Variants in CHRDL2 observed in about 807,000 individuals in gnomAD.
CHRDL2 encodes chordin like 2.
CHRDL2 carries 41 observed loss-of-function variants against 54.3 expected under a neutral mutation model. The observed-to-expected ratio is 0.76, with a 90% confidence interval of 0.59 to 0.98. CHRDL2 has a LOEUF of 0.98. CHRDL2 is among the 50% of genes least tolerant of loss of function. The pLI is 0.00. For missense variants in CHRDL2, 518 were observed against 562.4 expected (o/e 0.92, Z 0.80); for synonymous variants, 220 against 224.3 (o/e 0.98, Z 0.17).
intron 1 of CHRDL2, among the ~76,000 whole-genome samples, chr11:74,725,936 T>G (rs951594709): frequency 2.0e-5 from 3 of 152,204 alleles, no homozygotes; most frequent in African/African-American, 7.2e-5. Context: ...CTTGCTCCCC[T>G]CTGAGACATA....
intron 1 of CHRDL2, among the ~76,000 whole-genome samples, chr11:74,719,903 C>T (rs2034465097): frequency 6.6e-6 from 1 of 152,150 alleles, no homozygotes; most frequent in South Asian, 2.1e-4. Context: ...GCACTGCAGC[C>T]TTGTGCCCTG....
At chr11:74,706,421 C>A in intron 6 of CHRDL2, 66 bp downstream of exon 6, 1 of 1,506,560 alleles carries the variant, frequency 6.6e-7, no homozygotes, top group South Asian at 1.1e-5. Flanking sequence ...GCCCCAGAGT[C>A]ACGAGATTTA....
At chr11:74,718,367 C>T (rs111268481) in intron 2 of CHRDL2, among the ~76,000 whole-genome samples, 3 of 151,908 alleles carry the variant, frequency 2.0e-5, no homozygotes, top group African/African-American at 4.8e-5. Context: ...GGAAATAGTA[C>T]GTGAAAAGAA....
rs1367493500 is a variant in CHRDL2, at chr11:74,730,901, G to T, written c.-13C>A. 1.2e-6 allele frequency: 2 copies of T among 1,600,902 alleles called. No individual in the cohort carries two copies. The highest frequency in any genetic ancestry group is 1.1e-5 in the South Asian group (1 of 88,540). ...CCTCGGGAACCATCCTTTCCCCAGG[G>T]TCAGGCCGCTGGTCCGGGAGCGGAG... On this transcript the variant is annotated 5_prime_UTR_variant, in exon 1 of 11. Transcript: ENST00000376332.
chr11:74,730,699 C>T (rs2034638709), intron 1 of CHRDL2, 108 bp downstream of exon 1: 1 of 1,050,444 alleles, frequency 9.5e-7, no homozygotes, highest in South Asian at 1.4e-5. Flanking sequence ...GGCACAGGTG[C>T]TGCCTGGACG....
rs538382645 is a variant in CHRDL2 at position 74,705,447 on chromosome 11, C to G, written c.583-793G>C. 2.0e-5 allele frequency among the ~76,000 whole-genome samples: 3 copies of G among 152,298 alleles called. No homozygotes were observed. In the South Asian group the frequency reaches 6.2e-4, roughly 32 times the overall value. ...CTGGTACAGTCCCTGCATCAGTTCT[C>G]CGATGGCCCAGAGCCTGAGCTCACA... On this transcript the variant is annotated intron_variant, in intron 6 of 10. Coordinates refer to ENST00000376332, the MANE Select transcript of CHRDL2 (RefSeq NM_001278473.3).
At position 74,702,942 on chromosome 11, in the gene CHRDL2, A is replaced by T. The variant is rs762096283; in HGVS notation, c.972T>A (p.Ser324Arg). Residue 324 changes from serine to arginine, a missense_variant, in exon 9 of 11, where the codon AGT (serine) becomes AGA (arginine). Transcript: ENST00000376332. ...CPEDKADPGH[S>R]EISSTRCPKA... is the part of the protein sequence containing the mutation. ...TGGGACACCTGGTAGAACTGATCTC[A>T]CTGTGGCCAGGGTCTGCTTTGTCCT... The T allele has an allele frequency of 2.5e-6, 4 of 1,613,138 alleles. No individual in the cohort carries two copies. The highest frequency in any genetic ancestry group is 3.4e-6 in the Non-Finnish European group (4 of 1,179,226).
At chr11:74,725,271 G>A (rs963783952) in intron 1 of CHRDL2, among the ~76,000 whole-genome samples, 16 of 152,304 alleles carry the variant, frequency 1.1e-4, no homozygotes, top group East Asian at 9.6e-4. Flanking sequence ...GATTACAGGC[G>A]GGAGCCACCA....
intron 10 of CHRDL2, 79 bp downstream of exon 10, chr11:74,697,126 T>C (rs556837077): frequency 2.0e-5 from 23 of 1,150,006 alleles, no homozygotes; most frequent in Non-Finnish European, 2.4e-5. Context: ...ACCAGCAGCC[T>C]GGGAACTCCC....
intron 9 of CHRDL2, 120 bp from the exon 10 acceptor site, chr11:74,697,417 CA>C (rs1324993728): frequency 1.4e-6 from 1 of 694,788 alleles, no homozygotes; most frequent in Non-Finnish European, 2.6e-6. Flanking sequence ...CCATTCTGAT[CA>C]GACACAAAAT....
Position 74,703,312 on chromosome 11 carries a change from A to G in CHRDL2, c.939T>C (p.Ile313=). 6.2e-7 allele frequency: 1 copy of G among 1,601,614 alleles called. No individual in the cohort carries two copies. The highest frequency in any genetic ancestry group is 1.1e-5 in the South Asian group (1 of 90,030). Residue 313 remains isoleucine (I), a synonymous_variant, in exon 8 of 11, where the codon ATT becomes ATC. Coordinates refer to ENST00000376332, the MANE Select transcript of CHRDL2 (RefSeq NM_001278473.3). ...CCCAGTGCCCCTGTGTACCTGGGCA[A>G]ATCTTGCAGCACTTCCCAGCCACTT... ...PEKVAGKCCK[I]CPEDKADPGH... is the part of the protein sequence containing the mutation.
At chr11:74,729,633 G>T (rs958929530) in intron 1 of CHRDL2, among the ~76,000 whole-genome samples, 1 of 152,218 alleles carries the variant, frequency 6.6e-6, no homozygotes. Context: ...GCTCCAGAAT[G>T]TCACGTGCAA....
intron 4 of CHRDL2, among the ~76,000 whole-genome samples, chr11:74,710,490 A>G (rs1315927676): frequency 6.6e-6 from 1 of 152,230 alleles, no homozygotes; most frequent in East Asian, 1.9e-4. Context: ...CAGGACTGAT[A>G]ACTGATCATT....
chr11:74,727,179 A>G (rs927031005), intron 1 of CHRDL2, among the ~76,000 whole-genome samples: 1 of 152,168 alleles, frequency 6.6e-6, no homozygotes, highest in Non-Finnish European at 1.5e-5. Context: ...TACAGGGGAG[A>G]AAACTGAGAG....
chr11:74,713,334 C>A, intron 3 of CHRDL2, 52 bp downstream of exon 3: 2 of 1,511,452 alleles, frequency 1.3e-6, no homozygotes, highest in Non-Finnish European at 9.2e-7. Flanking sequence ...GAGGGCTACA[C>A]TGGGAGTAGG....
chr11:74,706,627 G>T, intron 5 of CHRDL2, 85 bp from the exon 6 acceptor site: 2 of 1,305,586 alleles, frequency 1.5e-6, no homozygotes, highest in Non-Finnish European at 2.2e-6. Context: ...TATAGGCTCT[G>T]TCCATTCCCA....
intron 2 of CHRDL2, among the ~76,000 whole-genome samples, chr11:74,714,073 A>G (rs1424633919): frequency 6.6e-6 from 1 of 152,128 alleles, no homozygotes; most frequent in Non-Finnish European, 1.5e-5. Flanking sequence ...GCAGGCGAAC[A>G]TACGCAGAGA....
At chr11:74,702,653 T>C (rs1234106501) in intron 9 of CHRDL2, 141 bp downstream of exon 9, 4 of 745,092 alleles carry the variant, frequency 5.4e-6, no homozygotes, top group Non-Finnish European at 9.0e-6. Context: ...TCCTGCATCT[T>C]GGAATCAGGG....
chr11:74,710,320 A>G (rs1443659689), intron 4 of CHRDL2, among the ~76,000 whole-genome samples: 1 of 152,026 alleles, frequency 6.6e-6, no homozygotes, highest in Non-Finnish European at 1.5e-5. Flanking sequence ...AAGACTTTCC[A>G]GAGGAGGCCC....
Sources: gnomAD v4.1 joint callset for allele counts (sites outside exome capture counted in the v4.1 genomes callset) on GRCh38, gnomAD v4.1.1 for gene constraint, MANE v1.5 for transcripts, NCBI Gene and HGNC (gene_info 2026-07-23, HGNC 2026-07-21) for gene names.